Variants in DYNC1I1 observed in about 807,000 individuals in gnomAD.
The protein encoded by DYNC1I1 is cytoplasmic dynein 1 intermediate chain 1.
Under a neutral mutation model 86.6 loss-of-function variants are expected in DYNC1I1, and 43 were observed. That is an observed-to-expected ratio of 0.50 (90% CI 0.39 to 0.64). DYNC1I1 has a LOEUF of 0.64. DYNC1I1 is among the 30% of genes least tolerant of loss of function. The probability of loss-of-function intolerance (pLI) is 0.00; values close to 1 mark genes in which losing one functional copy is unlikely to be tolerated. For missense variants in DYNC1I1, 604 were observed against 788.8 expected (o/e 0.77, Z 2.81); for synonymous variants, 262 against 283.7 (o/e 0.92, Z 0.77).
At chr7:95,845,540 T>C (rs1387913329) in intron 5 of DYNC1I1, among the ~76,000 whole-genome samples, 1 of 152,230 alleles carries the variant, frequency 6.6e-6, no homozygotes, top group East Asian at 1.9e-4. Context: ...AGGTTTGTCA[T>C]GTAACAATGC....
intron 4 of DYNC1I1, among the ~76,000 whole-genome samples, chr7:95,824,180 C>A (rs1795152616): frequency 6.7e-6 from 1 of 148,236 alleles, no homozygotes. Context: ...TTTGTAGATG[C>A]AGAGTTTCGT....
intron 5 of DYNC1I1, among the ~76,000 whole-genome samples, chr7:95,833,871 C>A (rs1788995089): frequency 6.7e-6 from 1 of 149,896 alleles, no homozygotes; most frequent in Non-Finnish European, 1.5e-5. Flanking sequence ...AGATTTTGGG[C>A]TGAGACAATG....
chr7:96,002,779 G>A (rs1391218618), intron 10 of DYNC1I1, among the ~76,000 whole-genome samples: 2 of 151,940 alleles, frequency 1.3e-5, no homozygotes, highest in South Asian at 2.1e-4. Context: ...TCTTACCAAT[G>A]AGTACAAAAT....
At chr7:96,096,757 A>C (rs1420957648) in intron 16 of DYNC1I1, among the ~76,000 whole-genome samples, 3 of 152,182 alleles carry the variant, frequency 2.0e-5, no homozygotes, top group South Asian at 2.1e-4. Flanking sequence ...AAGGATGCTC[A>C]TACTGGAACC....
chr7:96,076,058 A>G lies in DYNC1I1; in HGVS notation c.1511A>G (p.His504Arg), dbSNP rs1790326207. The change falls in exon 15 of 17, where the codon CAC (histidine) becomes CGC (arginine). Residue 504 changes from histidine (H) to arginine (R), a missense_variant and splice_region_variant. His to Arg is a conservative substitution (Grantham distance 29). Transcript: ENST00000447467. ...CTTCACGGTCTCTCTGCTTTACAGC[A>G]CAACAAGCCGCTCTACTCCTTTGAA... Reference protein sequence around the residue: ...DWTVKLWTTKHNKPLYSFEDN... With the variant: ...DWTVKLWTTKRNKPLYSFEDN... 4 of 1,613,472 alleles carry G rather than the reference A, an allele frequency of 2.5e-6. No homozygotes were observed. Among genetic ancestry groups the G allele is most frequent in the Non-Finnish European group, 3.4e-6 (4 of 1,179,560 alleles).
At chr7:95,975,919 T>G (rs879670948) in intron 6 of DYNC1I1, among the ~76,000 whole-genome samples, 1 of 152,204 alleles carries the variant, frequency 6.6e-6, no homozygotes, top group African/African-American at 2.4e-5. Context: ...GGAAGATACG[T>G]CATGTCGAGA....
chr7:96,015,216 A>G (rs1794371628), intron 10 of DYNC1I1, among the ~76,000 whole-genome samples: 1 of 152,174 alleles, frequency 6.6e-6, no homozygotes, highest in African/African-American at 2.4e-5. Context: ...GTTGCTTTTT[A>G]TTATGATAAT....
At chr7:96,071,629 T>C (rs1296269002) in intron 14 of DYNC1I1, among the ~76,000 whole-genome samples, 2 of 152,228 alleles carry the variant, frequency 1.3e-5, no homozygotes, top group Non-Finnish European at 2.9e-5. Context: ...TGTTCATCTT[T>C]ACTGTCTAAA....
intron 1 of DYNC1I1, chr7:95,802,604 C>G (rs1226689014): frequency 3.3e-5 from 5 of 152,202 alleles, no homozygotes; most frequent in African/African-American, 7.2e-5. Flanking sequence ...TCTGTTTTGT[C>G]CAGGCTTTCC....
At chr7:96,068,471 A>G (rs1790060584) in intron 14 of DYNC1I1, among the ~76,000 whole-genome samples, 1 of 152,196 alleles carries the variant, frequency 6.6e-6, no homozygotes, top group Non-Finnish European at 1.5e-5. Flanking sequence ...GACTCTTTGA[A>G]AATGTGTCTT....
At chr7:95,854,741 G>A (rs778919190) in intron 5 of DYNC1I1, among the ~76,000 whole-genome samples, 8 of 152,144 alleles carry the variant, frequency 5.3e-5, no homozygotes, top group Non-Finnish European at 1.2e-4. Context: ...CACAAATCAG[G>A]TAGGCCCCTC....
chr7:95,988,400 C>T (rs1341301802), intron 9 of DYNC1I1, among the ~76,000 whole-genome samples: 1 of 152,116 alleles, frequency 6.6e-6, no homozygotes, highest in Non-Finnish European at 1.5e-5. Context: ...ATTCCCTAGA[C>T]CAAAACTCCC....
At chr7:96,058,566 AC>A (rs1335580227) in intron 14 of DYNC1I1, among the ~76,000 whole-genome samples, 1 of 146,578 alleles carries the variant, frequency 6.8e-6, no homozygotes, top group Non-Finnish European at 1.5e-5. Flanking sequence ...GGCAGACAAA[AC>A]CCCCCCGACT....
chr7:95,945,577 A>G (rs1792375681), intron 6 of DYNC1I1, among the ~76,000 whole-genome samples: 1 of 152,180 alleles, frequency 6.6e-6, no homozygotes, highest in African/African-American at 2.4e-5. Context: ...TCCTTTGTTT[A>G]TAAAAAAAAG....
chr7:96,095,611 G>A (rs191262286), intron 16 of DYNC1I1, among the ~76,000 whole-genome samples: 7 of 152,162 alleles, frequency 4.6e-5, no homozygotes, highest in Admixed American at 4.6e-4. Flanking sequence ...AGTTATAAAT[G>A]TGTTACCATG....
At chr7:95,909,369 A>C (rs1791268813) in intron 6 of DYNC1I1, among the ~76,000 whole-genome samples, 1 of 152,064 alleles carries the variant, frequency 6.6e-6, no homozygotes, top group Non-Finnish European at 1.5e-5. Flanking sequence ...ATTACATGTA[A>C]AACAAAAATG....
chr7:96,038,097 A>G (rs1398957519), intron 13 of DYNC1I1, among the ~76,000 whole-genome samples: 3 of 152,200 alleles, frequency 2.0e-5, no homozygotes, highest in Non-Finnish European at 4.4e-5. Flanking sequence ...TTAAATGATC[A>G]TGTGTGGAAC....
At chr7:95,956,405 T>A (rs866603425) in intron 6 of DYNC1I1, among the ~76,000 whole-genome samples, 3 of 151,222 alleles carry the variant, frequency 2.0e-5, no homozygotes, top group Non-Finnish European at 4.4e-5. Context: ...TTATTATACT[T>A]TAAGTTCTGG....
chr7:95,986,337 T>G (rs996107003), intron 8 of DYNC1I1, among the ~76,000 whole-genome samples: 6 of 152,130 alleles, frequency 3.9e-5, no homozygotes, highest in African/African-American at 1.2e-4. Flanking sequence ...GAACAAACAT[T>G]ACTCGATGTA....
Sources: allele counts gnomAD v4.1 joint callset (sites outside exome capture counted in the v4.1 genomes callset), GRCh38; gene constraint gnomAD v4.1.1; transcripts MANE v1.5; gene names NCBI Gene and HGNC (gene_info 2026-07-23, HGNC 2026-07-21).